The following CDH11 variants were observed in gnomAD, a reference collection of about 807,000 sequenced individuals.
The protein encoded by CDH11 is cadherin-11.
In CDH11, 11 loss-of-function variants were observed where a neutral mutation model predicts 67.8. That is an observed-to-expected ratio of 0.16 (90% CI 0.10 to 0.27). The LOEUF is 0.27. Ranked by LOEUF, CDH11 falls within the 10% of genes least tolerant of loss-of-function variation. CDH11 has a pLI of 1.00. For synonymous variants in CDH11, 419 were observed against 400.0 expected, an observed-to-expected ratio of 1.05 and a Z score of -0.57; for missense variants, 847 against 1,031.2, an observed-to-expected ratio of 0.82 and a Z score of 2.45.
At chr16:64,993,157 A>G (rs761579812) in intron 4 of CDH11, 123 bp from the exon 5 acceptor site, 9 of 771,952 alleles carry the variant, frequency 1.2e-5, no homozygotes, top group Non-Finnish European at 1.9e-5. Context: ...ACATTCTCTC[A>G]TTTTCCTGGA....
At chr16:65,107,086 G>A (rs766729290) in intron 1 of CDH11, among the ~76,000 whole-genome samples, 10 of 152,024 alleles carry the variant, frequency 6.6e-5, no homozygotes, top group East Asian at 3.9e-4. Context: ...GTCCCAGGCC[G>A]TCAGTAAGCA....
In CDH11 at chr16:65,030,114, A is replaced by C. The variant is rs1039273954; in HGVS notation, c.-173+23690T>G. Among the ~76,000 whole-genome samples, 5 of 152,272 alleles carry C rather than the reference A, an allele frequency of 3.3e-5. No individual in the cohort carries two copies. The East Asian group carries it at 9.7e-4, about 29-fold the overall frequency. ...GTTTGGGACTCAGGCAGCCTGGATA[A>C]TGTTACAAACTCTACCGTATCTATG... is the stretch of plus-strand genomic sequence containing the variant. On this transcript the variant is annotated intron_variant, in intron 2 of 12. Transcript: ENST00000268603.
intron 1 of CDH11, among the ~76,000 whole-genome samples, chr16:65,065,540 T>C (rs541523024): frequency 3.3e-5 from 5 of 152,200 alleles, no homozygotes; most frequent in Admixed American, 3.3e-4. Flanking sequence ...TGAGCTGTAT[T>C]GCAGCCATTC....
chr16:65,067,841 A>G (rs2074341992), intron 1 of CDH11, among the ~76,000 whole-genome samples: 1 of 127,796 alleles, frequency 7.8e-6, no homozygotes, highest in Admixed American at 8.0e-5. Context: ...GAACAGAGGG[A>G]GGATGAATTG....
At chr16:65,102,018 T>C (rs915591146) in intron 1 of CDH11, among the ~76,000 whole-genome samples, 1 of 152,202 alleles carries the variant, frequency 6.6e-6, no homozygotes, top group Non-Finnish European at 1.5e-5. Flanking sequence ...ATTGCATTCA[T>C]ACAATATAGA....
chr16:65,117,648 G>A (rs896572546), intron 1 of CDH11, among the ~76,000 whole-genome samples: 2 of 152,194 alleles, frequency 1.3e-5, no homozygotes, highest in African/African-American at 4.8e-5. Flanking sequence ...GCCCCAAAGT[G>A]TTTACCGAAG....
chr16:64,947,849 C>G lies in CDH11; in HGVS notation c.2145G>C (p.Val715=). ...RPGLRPAPNS[V]DVDDFINTRI... ...TCGTGTTGATGAAGTCATCGACATCCACGCTGTTGGGCGCTGGCCGGAGCC... is the reference window on the plus strand; with the variant it reads ...TCGTGTTGATGAAGTCATCGACATCGACGCTGTTGGGCGCTGGCCGGAGCC... Residue 715 remains valine, a synonymous_variant, in exon 13 of 13, where the codon GTG becomes GTC. Transcript: ENST00000268603. 1 of 1,614,136 alleles carries G rather than the reference C, an allele frequency of 6.2e-7. No homozygotes were observed. The highest frequency in any genetic ancestry group is 8.5e-7 in the Non-Finnish European group (1 of 1,180,020).
chr16:65,047,323 T>A (rs2073978622), intron 2 of CDH11, among the ~76,000 whole-genome samples: 1 of 151,984 alleles, frequency 6.6e-6, no homozygotes, highest in Admixed American at 6.6e-5. Context: ...CTCTGTAGAC[T>A]CTTTTTCACC....
intron 1 of CDH11, among the ~76,000 whole-genome samples, chr16:65,114,986 A>T (rs1332786000): frequency 6.6e-6 from 1 of 152,164 alleles, no homozygotes; most frequent in African/African-American, 2.4e-5. Flanking sequence ...TACCTGAAAA[A>T]CAAACAGGAA....
chr16:65,047,670 G>A (rs919244313), intron 2 of CDH11, among the ~76,000 whole-genome samples: 17 of 152,068 alleles, frequency 1.1e-4, no homozygotes, highest in South Asian at 2.1e-4. Flanking sequence ...AATTTTAACC[G>A]TCTTTATCTA....
chr16:65,099,129 T>C (rs1243499637), intron 1 of CDH11, among the ~76,000 whole-genome samples: 3 of 152,104 alleles, frequency 2.0e-5, no homozygotes, highest in African/African-American at 7.2e-5. Context: ...CCTATCTAAG[T>C]CTTCTGGAAT....
chr16:64,979,365 C>T (rs1019326740), intron 8 of CDH11, among the ~76,000 whole-genome samples: 16 of 152,066 alleles, frequency 1.1e-4, no homozygotes, highest in African/African-American at 3.6e-4. Context: ...AAGACTCGCC[C>T]GAGCCTGGGA....
Position 64,947,363 on chromosome 16 carries a change from GTT to G in CDH11, c.*238_*239del. 1 of 1,148,614 alleles carries G rather than the reference GTT, an allele frequency of 8.7e-7. No homozygotes were observed. Among genetic ancestry groups the G allele is most frequent in the Non-Finnish European group, 1.1e-6 (1 of 907,658 alleles). The allele number at this position is 1,148,614 out of a possible 1,614,324, so 71.2% of individuals were successfully genotyped here. On this transcript the variant is annotated 3_prime_UTR_variant, in exon 13 of 13. Coordinates refer to ENST00000268603, the MANE Select transcript of CDH11 (RefSeq NM_001797.4). ...CACTTAAATATTTTGTATGCCAAGT[GTT>G]TTTTTTTTCTAGCGAAGTTGATAAA...
At chr16:65,013,958 C>A (rs1017641691) in intron 2 of CDH11, among the ~76,000 whole-genome samples, 1 of 152,176 alleles carries the variant, frequency 6.6e-6, no homozygotes, top group African/African-American at 2.4e-5. Flanking sequence ...AATATAAAGT[C>A]TATGAAGGCG....
At chr16:65,078,518 A>C (rs971027656) in intron 1 of CDH11, among the ~76,000 whole-genome samples, 17 of 152,208 alleles carry the variant, frequency 1.1e-4, no homozygotes, top group African/African-American at 4.1e-4. Flanking sequence ...CCCCCATTAA[A>C]TACATCATTG....
chr16:64,982,621 C>G, intron 7 of CDH11: 1 of 225,188 alleles, frequency 4.4e-6, no homozygotes, highest in Non-Finnish European at 8.7e-6. Context: ...GGAATTAAAA[C>G]ATTGCAAAAA....
At chr16:65,119,354 T>TA (rs1491506351) in intron 1 of CDH11, among the ~76,000 whole-genome samples, 4 of 149,556 alleles carry the variant, frequency 2.7e-5, no homozygotes, top group Non-Finnish European at 5.9e-5. Flanking sequence ...TTCTAAGACA[T>TA]AAAAAAAATT....
intron 3 of CDH11, among the ~76,000 whole-genome samples, chr16:64,999,587 G>A (rs770167630): frequency 1.4e-4 from 22 of 151,912 alleles, no homozygotes; most frequent in African/African-American, 3.6e-4. Flanking sequence ...AGGCTGGAGC[G>A]CAATGGCATG....
At chr16:64,966,667 T>C (rs2071837361) in intron 11 of CDH11, among the ~76,000 whole-genome samples, 1 of 149,286 alleles carries the variant, frequency 6.7e-6, no homozygotes, top group African/African-American at 2.4e-5. Flanking sequence ...AAAAGATATA[T>C]AAGAAAGAAG....
Sources: allele counts gnomAD v4.1 joint callset (sites outside exome capture counted in the v4.1 genomes callset), GRCh38; gene constraint gnomAD v4.1.1; transcripts MANE v1.5; gene names NCBI Gene and HGNC (gene_info 2026-07-23, HGNC 2026-07-21).